Variants in IL36RN observed in about 807,000 individuals in gnomAD.
The protein encoded by IL36RN is interleukin 36 receptor antagonist.
A neutral mutation model predicts 13.0 loss-of-function variants in IL36RN; 11 were observed. The ratio of observed to expected loss-of-function variants is 0.85; its 90% confidence interval spans 0.53 to 1.40. The LOEUF (loss-of-function observed/expected upper bound fraction) is 1.40, where lower values mean the gene tolerates loss of function less well. Ranked by LOEUF, IL36RN falls within the 40% of genes most tolerant of loss-of-function variation. IL36RN has a pLI of 0.00. For missense variants in IL36RN, 195 were observed against 195.3 expected (o/e 1.00, Z 0.01); for synonymous variants, 94 against 84.1 (o/e 1.12, Z -0.64).
chr2:113,064,011 T>A lies in IL36RN; in HGVS notation c.*1334T>A, dbSNP rs1685695004. 6.6e-6 allele frequency: 1 copy of A among 152,144 alleles called. No homozygotes were observed. Among genetic ancestry groups the A allele is most frequent in the Non-Finnish European group, 1.5e-5 (1 of 68,020 alleles). 9.4% of individuals were successfully genotyped at this position (152,144 alleles called of 1,614,324 possible). On this transcript the variant is annotated 3_prime_UTR_variant, in exon 5 of 5. Coordinates refer to ENST00000393200, the MANE Select transcript of IL36RN (RefSeq NM_012275.3). ...AAGACAAGGTCATGCTGGATGAAGG[T>A]AGACCTAAATTCAATATGACTGGTT...
chr2:113,059,119 C>T (rs1685586540), upstream of IL36RN: 3 of 435,962 alleles, frequency 6.9e-6, no homozygotes, highest in South Asian at 5.3e-5. Context: ...GCTGGGAATC[C>T]TGCTCCTCCT....
chr2:113,061,333 C>G (rs1321385229), intron 3 of IL36RN, among the ~76,000 whole-genome samples: 1 of 152,184 alleles, frequency 6.6e-6, no homozygotes, highest in East Asian at 1.9e-4. Context: ...CCCCTCTGCT[C>G]TCTGAAGATC....
At position 113,063,339 on chromosome 2, in the gene IL36RN, G is replaced by A. The variant is rs911798617; in HGVS notation, c.*662G>A. Reference sequence around the variant, plus strand: ...GATACAATCAAAATCCCAGATGCTGGTCTCTATTCCCATGAAAAAGTGCTC... The same window carrying A: ...GATACAATCAAAATCCCAGATGCTGATCTCTATTCCCATGAAAAAGTGCTC... On this transcript the variant is annotated 3_prime_UTR_variant, in exon 5 of 5. Transcript: ENST00000393200. 6.4e-6 allele frequency: 1 copy of A among 156,768 alleles called. No homozygotes were observed. Among genetic ancestry groups the A allele is most frequent in the Admixed American group, 6.0e-5 (1 of 16,552 alleles). 9.7% of individuals were successfully genotyped at this position (156,768 alleles called of 1,614,324 possible).
intron 2 of IL36RN, among the ~76,000 whole-genome samples, 165 bp downstream of exon 2, chr2:113,059,632 C>T (rs113368862): frequency 0.013 from 1,919 of 152,128 alleles, 45 homozygotes; most frequent in African/African-American, 0.044. Flanking sequence ...CAGCCTTTTT[C>T]AAATAGGGGC....
At chr2:113,060,163 G>A (rs1685612011) in intron 2 of IL36RN, among the ~76,000 whole-genome samples, 1 of 152,042 alleles carries the variant, frequency 6.6e-6, no homozygotes, top group Non-Finnish European at 1.5e-5. Flanking sequence ...TCTGAAGTAA[G>A]GCAACTTGTT....
At chr2:113,060,716 G>A (rs1685624647) in intron 2 of IL36RN, 136 bp from the exon 3 acceptor site, 1 of 719,398 alleles carries the variant, frequency 1.4e-6, no homozygotes, top group Non-Finnish European at 2.5e-6. Flanking sequence ...GGGAGACAAG[G>A]CTGTGCTGTT....
Position 113,062,137 on chromosome 2 carries a change from C to T in IL36RN, c.129C>T (p.Ser43=), listed in dbSNP as rs746926429. The part of the protein sequence containing the change: ...AGKVIKGEEI[S]VVPNRWLDAS... ...TCTTTCCCACAGGTGAAGAGATCAG[C>T]GTGGTCCCCAATCGGTGGCTGGATG... The change falls in exon 4 of 5, where the codon AGC becomes AGT. Residue 43 remains serine, a synonymous_variant. Coordinates refer to ENST00000393200, the MANE Select transcript of IL36RN (RefSeq NM_012275.3). The T allele has an allele frequency of 6.2e-6, 10 of 1,613,948 alleles. No individual in the cohort carries two copies. The highest frequency in any genetic ancestry group is 5.3e-5 in the African/African-American group (4 of 74,906).
intron 3 of IL36RN, among the ~76,000 whole-genome samples, chr2:113,061,626 A>G (rs551637849): frequency 6.6e-6 from 1 of 152,134 alleles, no homozygotes; most frequent in Non-Finnish European, 1.5e-5. Context: ...GAGTGCAGGT[A>G]TGTAGGTATG....
rs1685662570 is a variant in IL36RN at position 113,062,473 on chromosome 2, C to G, written c.264C>G (p.Leu88=). ...GGCAGCCAGTGAACATCATGGAGCTCTATCTTGGTGCCAAGGAATCCAAGA... is the reference window on the plus strand; with the variant it reads ...GGCAGCCAGTGAACATCATGGAGCTGTATCTTGGTGCCAAGGAATCCAAGA... ...LTLEPVNIME[L]YLGAKESKSF... The change falls in exon 5 of 5, where the codon CTC becomes CTG. Residue 88 remains leucine, a synonymous_variant. Coordinates refer to ENST00000393200, the MANE Select transcript of IL36RN (RefSeq NM_012275.3). The G allele has an allele frequency of 6.2e-7, 1 of 1,614,162 alleles. No homozygotes were observed. Among genetic ancestry groups the G allele is most frequent in the Non-Finnish European group, 8.5e-7 (1 of 1,180,024 alleles).
chr2:113,059,300 G>T, intron 1 of IL36RN, 59 bp downstream of exon 1: 1 of 875,422 alleles, frequency 1.1e-6, no homozygotes, highest in East Asian at 2.6e-5. Flanking sequence ...CCCAGAATCT[G>T]CTCCGTGGAG....
At position 113,062,948 on chromosome 2, in the gene IL36RN, T is replaced by G; in HGVS notation, c.*271T>G. On this transcript the variant is annotated 3_prime_UTR_variant, in exon 5 of 5. Coordinates refer to ENST00000393200, the MANE Select transcript of IL36RN (RefSeq NM_012275.3). ...ACTGGGAATAACATGAAAAGATTTC[T>G]GTGGAGGTGGGGTGGGGGAGTGGTG... 1.9e-5 allele frequency: 9 copies of G among 474,814 alleles called. No homozygotes were observed. Among genetic ancestry groups the G allele is most frequent in the Admixed American group, 3.3e-5 (1 of 30,390 alleles). The allele number at this position is 474,814 out of a possible 1,614,324, so 29.4% of individuals were successfully genotyped here. A position where few individuals can be genotyped will look rare whatever the true frequency, so the allele number is the denominator to read the frequency against.
At position 113,060,873 on chromosome 2, in the gene IL36RN, G is replaced by A; in HGVS notation, c.51G>A (p.Lys17=). 4 of 1,614,082 alleles carry A rather than the reference G, an allele frequency of 2.5e-6. No homozygotes were observed. Among genetic ancestry groups the A allele is most frequent in the South Asian group, 1.1e-5 (1 of 91,082 alleles). The change falls in exon 3 of 5, where the codon AAG becomes AAA. Residue 17 remains lysine (K), a synonymous_variant. Transcript: ENST00000393200. ...LCFRMKDSAL[K]VLYLHNNQLL... Reference sequence around the variant, plus strand: ...TCAGAATGAAGGACTCGGCATTGAAGGTGCTTTATCTGCATAATAACCAGC... The same window carrying A: ...TCAGAATGAAGGACTCGGCATTGAAAGTGCTTTATCTGCATAATAACCAGC...
intron 3 of IL36RN, among the ~76,000 whole-genome samples, 166 bp downstream of exon 3, chr2:113,061,103 C>G (rs1376001518): frequency 6.6e-6 from 1 of 152,182 alleles, no homozygotes; most frequent in African/African-American, 2.4e-5. Context: ...AATACTACAC[C>G]TCTCAGCAAA....
intron 2 of IL36RN, 37 bp from the exon 3 acceptor site, chr2:113,060,815 C>T: frequency 1.3e-6 from 2 of 1,484,170 alleles, no homozygotes; most frequent in African/African-American, 1.4e-5. Flanking sequence ...GTCCACCCTC[C>T]TCCTAATGTA....
chr2:113,062,956 T>G lies in IL36RN; in HGVS notation c.*279T>G, dbSNP rs1685673260. On this transcript the variant is annotated 3_prime_UTR_variant, in exon 5 of 5. Coordinates refer to ENST00000393200, the MANE Select transcript of IL36RN (RefSeq NM_012275.3). Reference sequence around the variant, plus strand: ...TAACATGAAAAGATTTCTGTGGAGGTGGGGTGGGGGAGTGGTGGGAATCAT... The same window carrying G: ...TAACATGAAAAGATTTCTGTGGAGGGGGGGTGGGGGAGTGGTGGGAATCAT... 1 of 445,228 alleles carries G rather than the reference T, an allele frequency of 2.2e-6. No individual in the cohort carries two copies. Among genetic ancestry groups the G allele is most frequent in the Non-Finnish European group, 4.2e-6 (1 of 239,282 alleles). The allele number at this position is 445,228 out of a possible 1,614,324, so 27.6% of individuals were successfully genotyped here. A position where few individuals can be genotyped will look rare whatever the true frequency, so the allele number is the denominator to read the frequency against.
In IL36RN at chr2:113,063,027, C is replaced by A; in HGVS notation, c.*350C>A. On this transcript the variant is annotated 3_prime_UTR_variant, in exon 5 of 5. Coordinates refer to ENST00000393200, the MANE Select transcript of IL36RN (RefSeq NM_012275.3). ...CCAGTGTTACCCTGAGCCCCGCAGGCCAACCCATCCCCAGTTGAGCCTTAT... is the reference window on the plus strand; with the variant it reads ...CCAGTGTTACCCTGAGCCCCGCAGGACAACCCATCCCCAGTTGAGCCTTAT... 5.4e-6 allele frequency: 2 copies of A among 370,980 alleles called. No homozygotes were observed. Among genetic ancestry groups the A allele is most frequent in the South Asian group, 4.3e-5 (2 of 46,946 alleles). The allele number at this position is 370,980 out of a possible 1,614,324, so 23.0% of individuals were successfully genotyped here.
chr2:113,061,842 A>T (rs6748448), intron 3 of IL36RN, among the ~76,000 whole-genome samples: 1 of 151,804 alleles, frequency 6.6e-6, no homozygotes, highest in African/African-American at 2.4e-5. Context: ...GACCCAAGGG[A>T]CATTAAAGGA....
Position 113,062,597 on chromosome 2 carries a change from C to A in IL36RN, c.388C>A (p.Pro130Thr), listed in dbSNP as rs2105069965. Residue 130 changes from proline to threonine, a missense_variant, in exon 5 of 5, where the codon CCT (proline) becomes ACT (threonine). Pro to Thr is a conservative substitution (Grantham distance 38, BLOSUM62 -1). Coordinates refer to ENST00000393200, the MANE Select transcript of IL36RN (RefSeq NM_012275.3). ...FLCTVPEADQPVRLTQLPENG... is the reference protein window; with the variant it reads ...FLCTVPEADQTVRLTQLPENG... ...GTGCACGGTGCCTGAAGCCGATCAG[C>A]CTGTCAGACTCACCCAGCTTCCCGA... 6.2e-7 allele frequency: 1 copy of A among 1,613,826 alleles called. No individual in the cohort carries two copies. Among genetic ancestry groups the A allele is most frequent in the Non-Finnish European group, 8.5e-7 (1 of 1,180,030 alleles).
Position 113,062,557 on chromosome 2 carries a change from C to T in IL36RN, c.348C>T (p.Tyr116=), listed in dbSNP as rs1383851199. 1 of 1,614,014 alleles carries T rather than the reference C, an allele frequency of 6.2e-7. No homozygotes were observed. The highest frequency in any genetic ancestry group is 8.5e-7 in the Non-Finnish European group (1 of 1,180,012). Residue 116 remains tyrosine (Y), a synonymous_variant, in exon 5 of 5, where the codon TAC becomes TAT. Coordinates refer to ENST00000393200, the MANE Select transcript of IL36RN (RefSeq NM_012275.3). ...GLTSSFESAA[Y]PGWFLCTVPE... is the part of the protein sequence containing the mutation. The stretch of plus-strand genomic sequence containing the variant: ...CCTCCAGCTTCGAGTCGGCTGCCTA[C>T]CCGGGCTGGTTCCTGTGCACGGTGC...
Sources: allele counts gnomAD v4.1 joint callset (sites outside exome capture counted in the v4.1 genomes callset), GRCh38; gene constraint gnomAD v4.1.1; transcripts MANE v1.5; gene names NCBI Gene and HGNC (gene_info 2026-07-23, HGNC 2026-07-21).